The following FSTL1 variants were observed in gnomAD, a reference collection of about 807,000 sequenced individuals.
FSTL1 encodes follistatin like 1.
FSTL1 carries 24 observed loss-of-function variants against 45.9 expected under a neutral mutation model. The ratio of observed to expected loss-of-function variants is 0.52; its 90% CI spans 0.38 to 0.74. FSTL1 has a LOEUF of 0.74. Among genes scored for constraint, FSTL1 ranks in the 30% least tolerant of loss-of-function variants. FSTL1 has a pLI of 0.00. For synonymous variants in FSTL1, 120 were observed against 137.6 expected, an observed-to-expected ratio of 0.87 and a Z score of 0.89; for missense variants, 340 against 381.8, an observed-to-expected ratio of 0.89 and a Z score of 0.91.
chr3:120,393,805 GGT>G lies in FSTL1; in HGVS notation c.*3145_*3146del, dbSNP rs1441734387. 2.6e-5 allele frequency: 4 copies of G among 152,130 alleles called. No individual in the cohort carries two copies. The highest frequency in any genetic ancestry group is 9.7e-5 in the African/African-American group (4 of 41,434). 9.4% of individuals were successfully genotyped at this position (152,130 alleles called of 1,614,324 possible). A position where few individuals can be genotyped will look rare whatever the true frequency, so the allele number is the denominator to read the frequency against. ...CATCAAAGTTTAACCCTCATGAATGGGTAAGTGCCCTTATAAAAGAGGCCTAA... is the reference window on the plus strand; with the variant it reads ...CATCAAAGTTTAACCCTCATGAATGGAAGTGCCCTTATAAAAGAGGCCTAA... On this transcript the variant is annotated 3_prime_UTR_variant, in exon 11 of 11. Transcript: ENST00000295633.
chr3:120,403,400 G>A (rs551872681), intron 7 of FSTL1, 46 bp from the exon 8 acceptor site: 62 of 1,178,292 alleles, frequency 5.3e-5, no homozygotes, highest in South Asian at 7.3e-5. Context: ...CCTCAGCTTC[G>A]CTCAGAAGAA....
intron 3 of FSTL1, among the ~76,000 whole-genome samples, chr3:120,412,841 C>CGCGA (rs1937098395): frequency 8.1e-6 from 1 of 123,744 alleles, no homozygotes; most frequent in African/African-American, 3.0e-5. Context: ...CGCGCGCGCA[C>CGCGA]ACACACACAC....
chr3:120,396,700 T>C lies in FSTL1; in HGVS notation c.*252A>G, dbSNP rs2107647265. 2.1e-6 allele frequency: 1 copy of C among 479,390 alleles called. No homozygotes were observed. The highest frequency in any genetic ancestry group is 3.7e-6 in the Non-Finnish European group (1 of 270,028). 29.7% of individuals were successfully genotyped at this position (479,390 alleles called of 1,614,324 possible). ...TCTTTCAATCGTGATGCAGTTTCCT[T>C]ACTAGCCTCCAGCCCCAGAGCACCA... is the stretch of plus-strand genomic sequence containing the variant. On this transcript the variant is annotated 3_prime_UTR_variant, in exon 11 of 11. Transcript: ENST00000295633.
chr3:120,398,789 CTG>C (rs1204803761), intron 10 of FSTL1, among the ~76,000 whole-genome samples: 4 of 152,204 alleles, frequency 2.6e-5, no homozygotes, highest in Non-Finnish European at 4.4e-5. Context: ...ATAATTCACT[CTG>C]TACTGTCTGA....
At chr3:120,414,318 T>G (rs544714284) in intron 3 of FSTL1, among the ~76,000 whole-genome samples, 2,952 of 147,788 alleles carry the variant, frequency 0.02, 92 homozygotes, top group African/African-American at 0.071. Context: ...CCGGCCGCCA[T>G]CCCACCTAGG....
chr3:120,402,748 T>C (rs1453290121), intron 9 of FSTL1, 60 bp downstream of exon 9: 1 of 1,063,332 alleles, frequency 9.4e-7, no homozygotes, highest in Non-Finnish European at 1.5e-6. Flanking sequence ...ACTTCTCTCA[T>C]GCTGATTTCA....
chr3:120,404,248 A>C (rs1470233708), intron 7 of FSTL1, among the ~76,000 whole-genome samples: 1 of 152,254 alleles, frequency 6.6e-6, no homozygotes, highest in African/African-American at 2.4e-5. Flanking sequence ...AAGGTCATAG[A>C]CTATTATTAA....
chr3:120,449,254 G>A (rs528392238), intron 2 of FSTL1, among the ~76,000 whole-genome samples: 1 of 152,262 alleles, frequency 6.6e-6, no homozygotes, highest in African/African-American at 2.4e-5. Flanking sequence ...CTGTAAAATC[G>A]GGATAATAAA....
At chr3:120,415,517 T>A in intron 3 of FSTL1, among the ~76,000 whole-genome samples, 1 of 152,328 alleles carries the variant, frequency 6.6e-6, no homozygotes, top group East Asian at 1.9e-4. Flanking sequence ...GGAACCATTA[T>A]GTCTACAGTA....
At chr3:120,448,869 G>C (rs1246574425) in intron 2 of FSTL1, among the ~76,000 whole-genome samples, 1 of 152,132 alleles carries the variant, frequency 6.6e-6, no homozygotes, top group Non-Finnish European at 1.5e-5. Context: ...CACACAGCCT[G>C]GTAAGTCAAC....
At chr3:120,409,487 C>T (rs1937008484) in intron 6 of FSTL1, 45 bp downstream of exon 6, 3 of 1,576,064 alleles carry the variant, frequency 1.9e-6, no homozygotes, top group East Asian at 2.2e-5. Flanking sequence ...GAGGAAGCTT[C>T]CCTTTCTATG....
chr3:120,447,376 A>G (rs1286743582), intron 2 of FSTL1, among the ~76,000 whole-genome samples: 2 of 152,142 alleles, frequency 1.3e-5, no homozygotes, highest in East Asian at 3.9e-4. Context: ...CTCTCTGCCT[A>G]GTCCATTCAC....
At chr3:120,430,598 T>C (rs948152092) in intron 2 of FSTL1, among the ~76,000 whole-genome samples, 1 of 152,212 alleles carries the variant, frequency 6.6e-6, no homozygotes, top group Admixed American at 6.5e-5. Flanking sequence ...AACTAAGAAC[T>C]ACATAAAATC....
At chr3:120,431,779 C>A (rs1252317481) in intron 2 of FSTL1, among the ~76,000 whole-genome samples, 1 of 152,192 alleles carries the variant, frequency 6.6e-6, no homozygotes, top group Non-Finnish European at 1.5e-5. Flanking sequence ...GAATACTTTT[C>A]AAGTGGTGTA....
intron 2 of FSTL1, among the ~76,000 whole-genome samples, chr3:120,417,821 A>C (rs1937213781): frequency 6.6e-6 from 1 of 152,192 alleles, no homozygotes; most frequent in Non-Finnish European, 1.5e-5. Flanking sequence ...AAACACCCAC[A>C]AACCTCCACT....
At chr3:120,410,828 C>G in intron 5 of FSTL1, 124 bp downstream of exon 5, 1 of 838,082 alleles carries the variant, frequency 1.2e-6, no homozygotes, top group Non-Finnish European at 2.1e-6. Context: ...GTGGCCAGTT[C>G]TGGGACACAA....
chr3:120,403,023 C>T, intron 8 of FSTL1, 105 bp from the exon 9 acceptor site: 1 of 812,392 alleles, frequency 1.2e-6, no homozygotes, highest in Admixed American at 1.8e-5. Flanking sequence ...CAAGACCTGC[C>T]TGTCCCTCAG....
At chr3:120,418,813 GCAGCA>G (rs1937231241) in intron 2 of FSTL1, among the ~76,000 whole-genome samples, 2 of 152,144 alleles carry the variant, frequency 1.3e-5, no homozygotes, top group African/African-American at 4.8e-5. Flanking sequence ...TGTACTGCAG[GCAGCA>G]CAGTGCCTGC....
chr3:120,450,650 G>A (rs749290797), intron 2 of FSTL1, 34 bp downstream of exon 2: 9 of 1,489,854 alleles, frequency 6.0e-6, no homozygotes, highest in African/African-American at 2.9e-5. Context: ...GAGGCCCCGG[G>A]GACCGAGTTC....
Sources: allele counts gnomAD v4.1 joint callset (sites outside exome capture counted in the v4.1 genomes callset), GRCh38; gene constraint gnomAD v4.1.1; transcripts MANE v1.5; gene names NCBI Gene and HGNC (gene_info 2026-07-23, HGNC 2026-07-21).